Variants in PDE11A observed in about 807,000 individuals in gnomAD.
The protein encoded by PDE11A is phosphodiesterase 11A.
In PDE11A, 100 loss-of-function variants were observed where a neutral mutation model predicts 100.5. The observed-to-expected ratio is 1.00, with a 90% CI of 0.85 to 1.18. The LOEUF (loss-of-function observed/expected upper bound fraction) is 1.18. Ranked by LOEUF, PDE11A falls within the 50% of genes most tolerant of loss-of-function variation. PDE11A has a pLI of 0.00. For synonymous variants in PDE11A, 381 were observed against 420.8 expected (o/e 0.91, Z 1.16); for missense variants, 1,141 against 1,152.6 (o/e 0.99, Z 0.15).
rs181833420 is a variant in PDE11A, at chr2:178,039,936, C to T, written c.913-25476G>A. On this transcript the variant is annotated intron_variant, in intron 1 of 19. Transcript: ENST00000286063. ...TGTATAGGAAAACAAAGATAGGTGGCAAAGTCATGGGGAGGGAAACAAGGG... is the reference window on the plus strand; with the variant it reads ...TGTATAGGAAAACAAAGATAGGTGGTAAAGTCATGGGGAGGGAAACAAGGG... 5.0e-3 allele frequency among the ~76,000 whole-genome samples: 763 copies of T among 151,856 alleles called. 5 individuals are homozygous for T. Among genetic ancestry groups the T allele is most frequent in the Non-Finnish European group, 6.3e-3 (431 of 67,986 alleles).
chr2:177,909,559 C>T (rs1031018442), intron 2 of PDE11A, among the ~76,000 whole-genome samples: 4 of 152,154 alleles, frequency 2.6e-5, no homozygotes, highest in African/African-American at 9.7e-5. Context: ...CACAAAAATA[C>T]AGGCTAAAGT....
At chr2:177,750,377 T>C (rs1429941952) in intron 10 of PDE11A, among the ~76,000 whole-genome samples, 1 of 151,714 alleles carries the variant, frequency 6.6e-6, no homozygotes, top group Non-Finnish European at 1.5e-5. Flanking sequence ...TGGAAATTCC[T>C]GAGATAAGTC....
chr2:177,949,456 T>A (rs1213550412), intron 2 of PDE11A, among the ~76,000 whole-genome samples: 1 of 152,176 alleles, frequency 6.6e-6, no homozygotes, highest in Non-Finnish European at 1.5e-5. Flanking sequence ...CGTATATAGA[T>A]CCATCCCAGC....
intron 19 of PDE11A, among the ~76,000 whole-genome samples, chr2:177,654,790 GT>G (rs976299703): frequency 6.6e-6 from 1 of 152,182 alleles, no homozygotes; most frequent in African/African-American, 2.4e-5. Flanking sequence ...CAACAGCAGA[GT>G]TTTTAACATT....
intron 2 of PDE11A, among the ~76,000 whole-genome samples, chr2:177,916,729 T>TTTTTA (rs143421590): frequency 0.34 from 50,073 of 149,212 alleles, 10,104 homozygotes; most frequent in East Asian, 0.52. Context: ...TTGAAGGTTC[T>TTTTTA]TTTTATTTTA....
intron 15 of PDE11A, among the ~76,000 whole-genome samples, chr2:177,693,717 G>C (rs534869675): frequency 1.1e-4 from 17 of 152,258 alleles, no homozygotes; most frequent in Non-Finnish European, 1.6e-4. Context: ...AGGGAAGCAT[G>C]GTGATTGAAG....
intron 15 of PDE11A, among the ~76,000 whole-genome samples, chr2:177,694,260 G>T (rs1253568256): frequency 6.6e-6 from 1 of 152,198 alleles, no homozygotes; most frequent in Non-Finnish European, 1.5e-5. Flanking sequence ...TGGACTCTGA[G>T]TGTTGATATT....
chr2:178,031,389 T>G lies in PDE11A; in HGVS notation c.913-16929A>C, dbSNP rs915434114. Reference sequence around the variant, plus strand: ...AAAGGATTGTAAAGAAAGAAAACTGTCATTATTTGCAGATGATATGATTGC... The same window carrying G: ...AAAGGATTGTAAAGAAAGAAAACTGGCATTATTTGCAGATGATATGATTGC... On this transcript the variant is annotated intron_variant, in intron 1 of 19. Transcript: ENST00000286063. Among the ~76,000 whole-genome samples the G allele has an allele frequency of 2.6e-5, 4 of 152,064 alleles. No homozygotes were observed. In the East Asian group the frequency reaches 7.8e-4, roughly 30 times the overall value.
Position 177,712,344 on chromosome 2 carries a change from T to TC in PDE11A, c.2044-467_2044-466insG, listed in dbSNP as rs533673358. Among the ~76,000 whole-genome samples, 460 of 143,410 alleles carry TC rather than the reference T, an allele frequency of 3.2e-3. 3 individuals carry two copies. The highest frequency in any genetic ancestry group is 5.3e-3 in the Non-Finnish European group (348 of 65,842). The allele number at this position is 143,410 out of a possible 152,430, so 94.1% of individuals were successfully genotyped here. A position where few individuals can be genotyped will look rare whatever the true frequency, so the allele number is the denominator to read the frequency against. ...GGCAGAAGGAGAACACAACCCTTCT[T>TC]TTTTTTTTTTTTTTTAACATTAAAA... On this transcript the variant is annotated intron_variant, in intron 12 of 19. Coordinates refer to ENST00000286063, the MANE Select transcript of PDE11A (RefSeq NM_016953.4).
chr2:177,892,784 G>A, intron 4 of PDE11A, among the ~76,000 whole-genome samples: 1 of 152,176 alleles, frequency 6.6e-6, no homozygotes, highest in Admixed American at 6.5e-5. Flanking sequence ...AATATCCACA[G>A]CCCCTCCAGG....
intron 1 of PDE11A, among the ~76,000 whole-genome samples, chr2:178,014,904 T>A: frequency 6.6e-6 from 1 of 152,106 alleles, no homozygotes; most frequent in East Asian, 1.9e-4. Flanking sequence ...GAGTACATAA[T>A]GATATTTCAA....
At chr2:177,795,967 A>C (rs969639661) in intron 9 of PDE11A, among the ~76,000 whole-genome samples, 1 of 116,814 alleles carries the variant, frequency 8.6e-6, no homozygotes, top group Non-Finnish European at 1.8e-5. Context: ...ATATATATAT[A>C]TATATATATC....
intron 2 of PDE11A, among the ~76,000 whole-genome samples, chr2:177,929,935 T>G (rs2085183476): frequency 6.6e-6 from 1 of 152,166 alleles, no homozygotes; most frequent in South Asian, 2.1e-4. Flanking sequence ...CCAGGATAAA[T>G]ATGATTATAA....
chr2:178,032,664 G>A (rs1385408127), intron 1 of PDE11A, among the ~76,000 whole-genome samples: 1 of 152,160 alleles, frequency 6.6e-6, no homozygotes, highest in Non-Finnish European at 1.5e-5. Context: ...GCTGGCATTA[G>A]GCCAGGGCCT....
chr2:178,065,705 T>C (rs2087034327), intron 1 of PDE11A, among the ~76,000 whole-genome samples: 1 of 152,180 alleles, frequency 6.6e-6, no homozygotes, highest in Non-Finnish European at 1.5e-5. Context: ...TCCTTTATAA[T>C]ATCAGTGTTG....
At chr2:177,892,095 A>C (rs1257951931) in intron 4 of PDE11A, among the ~76,000 whole-genome samples, 1 of 152,216 alleles carries the variant, frequency 6.6e-6, no homozygotes, top group East Asian at 1.9e-4. Flanking sequence ...TTTAACCTTG[A>C]AATTGTATCT....
At chr2:177,692,347 T>G (rs2081052179) in intron 15 of PDE11A, among the ~76,000 whole-genome samples, 1 of 152,230 alleles carries the variant, frequency 6.6e-6, no homozygotes, top group Admixed American at 6.5e-5. Context: ...AAGCATCATC[T>G]TTTATGGTGC....
intron 9 of PDE11A, among the ~76,000 whole-genome samples, chr2:177,805,537 A>T (rs2082856904): frequency 6.6e-6 from 1 of 152,194 alleles, no homozygotes; most frequent in Non-Finnish European, 1.5e-5. Context: ...AGGTCAAATC[A>T]ATGAAGTAAA....
intron 1 of PDE11A, among the ~76,000 whole-genome samples, chr2:178,056,526 G>C (rs1287383339): frequency 1.3e-5 from 2 of 152,104 alleles, no homozygotes; most frequent in African/African-American, 2.4e-5. Context: ...AGAATGGAAG[G>C]GCAAGGTCCT....
Sources: allele counts gnomAD v4.1 joint callset (sites outside exome capture counted in the v4.1 genomes callset), GRCh38; gene constraint gnomAD v4.1.1; transcripts MANE v1.5; gene names NCBI Gene and HGNC (gene_info 2026-07-23, HGNC 2026-07-21).